CLEC16A: variants seen among roughly 807,000 people sequenced by gnomAD.
CLEC16A encodes C-type lectin domain containing 16A.
CLEC16A carries 51 observed loss-of-function variants against 109.5 expected under a neutral mutation model. The observed-to-expected ratio is 0.47, with a 90% CI of 0.37 to 0.59. The LOEUF (loss-of-function observed/expected upper bound fraction) is 0.59, where lower values mean the gene tolerates loss of function less well. CLEC16A is among the 20% of genes least tolerant of loss of function. The probability of loss-of-function intolerance (pLI) is 0.00; values close to 1 mark genes in which losing one functional copy is unlikely to be tolerated. For synonymous variants in CLEC16A, 673 were observed against 564.2 expected, an observed-to-expected ratio of 1.19 and a Z score of -2.73; for missense variants, 1,339 against 1,394.0, an observed-to-expected ratio of 0.96 and a Z score of 0.63.
chr16:11,124,639 G>C (rs114586607), intron 21 of CLEC16A, among the ~76,000 whole-genome samples: 1 of 152,186 alleles, frequency 6.6e-6, no homozygotes, highest in African/African-American at 2.4e-5. Context: ...TCCTCGGCGT[G>C]GGGGGAAGGC....
intron 6 of CLEC16A, 128 bp from the exon 7 acceptor site, chr16:10,972,810 T>A (rs1188111338): frequency 2.9e-6 from 3 of 1,022,278 alleles, no homozygotes; most frequent in Admixed American, 5.9e-5. Context: ...AGACAGACAA[T>A]TTCAGATTAT....
intron 3 of CLEC16A, among the ~76,000 whole-genome samples, chr16:10,965,883 C>T (rs947993758): frequency 2.6e-5 from 4 of 152,180 alleles, no homozygotes; most frequent in African/African-American, 9.7e-5. Flanking sequence ...GGGAGCCTGT[C>T]GCTGTTCCAG....
At chr16:11,026,990 G>A (rs2046443306) in intron 13 of CLEC16A, 2 of 1,554,102 alleles carry the variant, frequency 1.3e-6, no homozygotes, top group African/African-American at 2.7e-5. Context: ...ATGTGGTGGG[G>A]TTGCGCATGA....
At chr16:11,130,789 G>T (rs1327238623) in intron 22 of CLEC16A, among the ~76,000 whole-genome samples, 2 of 152,214 alleles carry the variant, frequency 1.3e-5, no homozygotes, top group Admixed American at 6.5e-5. Context: ...AACAACTCTG[G>T]CTGCTGCCTC....
intron 11 of CLEC16A, among the ~76,000 whole-genome samples, chr16:11,007,229 A>G (rs2045080666): frequency 6.6e-6 from 1 of 152,222 alleles, no homozygotes; most frequent in Non-Finnish European, 1.5e-5. Flanking sequence ...CAGCAAGGGC[A>G]TGAAGTAAAG....
At chr16:10,962,782 G>C (rs765673490) in intron 3 of CLEC16A, among the ~76,000 whole-genome samples, 194 bp downstream of exon 3, 1 of 152,150 alleles carries the variant, frequency 6.6e-6, no homozygotes, top group Non-Finnish European at 1.5e-5. Flanking sequence ...AGATTGGCCA[G>C]GCATGGTATC....
At chr16:10,947,917 A>ACG (rs1567484668) in intron 1 of CLEC16A, among the ~76,000 whole-genome samples, 12 of 101,186 alleles carry the variant, frequency 1.2e-4, no homozygotes, top group African/African-American at 3.5e-4. Flanking sequence ...TTTTGAGATA[A>ACG]GAGTCTTGCT....
At chr16:11,160,144 A>G (rs567938046) in intron 22 of CLEC16A, among the ~76,000 whole-genome samples, 1 of 152,058 alleles carries the variant, frequency 6.6e-6, no homozygotes, top group East Asian at 1.9e-4. Context: ...AAATAGTTGC[A>G]CTTTAGTCAC....
chr16:11,130,835 A>G (rs139827768), intron 22 of CLEC16A, among the ~76,000 whole-genome samples: 1 of 152,320 alleles, frequency 6.6e-6, no homozygotes, highest in Non-Finnish European at 1.5e-5. Flanking sequence ...TTATTAGGAC[A>G]CATCTTCCGA....
In CLEC16A at chr16:11,096,315, A is replaced by G. The variant is rs865865315; in HGVS notation, c.2117-24300A>G. Among the ~76,000 whole-genome samples, 3 of 152,256 alleles carry G rather than the reference A, an allele frequency of 2.0e-5. No homozygotes were observed. The South Asian group carries it at 6.2e-4, about 32-fold the overall frequency. ...AGCTGTGATGGCATCACCGCACTCC[A>G]TCCTGGGTGACAGAGTGAGACCCTG... On this transcript the variant is annotated intron_variant, in intron 19 of 23. Coordinates refer to ENST00000409790, the MANE Select transcript of CLEC16A (RefSeq NM_015226.3).
intron 11 of CLEC16A, among the ~76,000 whole-genome samples, chr16:11,015,162 C>T (rs2045667141): frequency 6.6e-6 from 1 of 152,198 alleles, no homozygotes; most frequent in Non-Finnish European, 1.5e-5. Flanking sequence ...ATCTGATCCG[C>T]ATTCATCTAG....
chr16:11,052,450 A>G (rs1195135624), intron 18 of CLEC16A, among the ~76,000 whole-genome samples: 1 of 152,182 alleles, frequency 6.6e-6, no homozygotes, highest in Non-Finnish European at 1.5e-5. Flanking sequence ...CACCTCAGAC[A>G]CGAGGAGTCT....
At chr16:11,153,034 C>G (rs995948833) in intron 22 of CLEC16A, among the ~76,000 whole-genome samples, 7 of 152,144 alleles carry the variant, frequency 4.6e-5, no homozygotes, top group African/African-American at 1.7e-4. Flanking sequence ...TCCATTGTGT[C>G]TTGGGTTCTT....
chr16:11,105,875 ACAGTGTCCT>A (rs1192952301), intron 19 of CLEC16A, among the ~76,000 whole-genome samples: 12 of 152,242 alleles, frequency 7.9e-5, no homozygotes, highest in African/African-American at 2.9e-4. Flanking sequence ...GAGCATTGAT[ACAGTGTCCT>A]CAGTGGCCCT....
chr16:11,118,660 T>C (rs139610775), intron 19 of CLEC16A, among the ~76,000 whole-genome samples: 3 of 152,234 alleles, frequency 2.0e-5, no homozygotes, highest in Admixed American at 6.5e-5. Context: ...CATTTGTCTA[T>C]TTTTGGCTTT....
chr16:11,051,770 G>C, intron 18 of CLEC16A, 129 bp downstream of exon 18: 2 of 1,214,310 alleles, frequency 1.6e-6, no homozygotes, highest in Non-Finnish European at 2.3e-6. Context: ...AGTGGATAGA[G>C]AGTACCCATT....
At chr16:10,947,468 A>T (rs1387594193) in intron 1 of CLEC16A, among the ~76,000 whole-genome samples, 1 of 152,192 alleles carries the variant, frequency 6.6e-6, no homozygotes, top group African/African-American at 2.4e-5. Flanking sequence ...GGAGGAGACA[A>T]CACCAGCGCG....
chr16:11,051,789 G>T, intron 18 of CLEC16A, 148 bp downstream of exon 18: 1 of 1,051,540 alleles, frequency 9.5e-7, no homozygotes, highest in Non-Finnish European at 1.3e-6. Context: ...TTTGCCCCCA[G>T]GCATGACTTT....
At chr16:10,977,675 G>C (rs899968428) in intron 8 of CLEC16A, among the ~76,000 whole-genome samples, 1 of 152,094 alleles carries the variant, frequency 6.6e-6, no homozygotes. Context: ...CACCACGCCT[G>C]ACTAATTTTT....
Sources: gnomAD v4.1 joint callset for allele counts (sites outside exome capture counted in the v4.1 genomes callset) on GRCh38, gnomAD v4.1.1 for gene constraint, MANE v1.5 for transcripts, NCBI Gene and HGNC (gene_info 2026-07-23, HGNC 2026-07-21) for gene names.